Variants in NR6A1 observed in about 807,000 individuals in gnomAD.
NR6A1 encodes nuclear receptor subfamily 6 group A member 1.
NR6A1 carries 7 observed loss-of-function variants against 59.1 expected under a neutral mutation model. That is an observed-to-expected ratio of 0.12 (90% confidence interval 0.07 to 0.22). The LOEUF (loss-of-function observed/expected upper bound fraction) is 0.22. NR6A1 is among the 10% of genes least tolerant of loss of function. The pLI is 1.00. For missense variants in NR6A1, 468 were observed against 611.6 expected (o/e 0.77, Z 2.48); for synonymous variants, 243 against 236.1 (o/e 1.03, Z -0.27).
chr9:124,727,541 A>G (rs1172148885), intron 2 of NR6A1, among the ~76,000 whole-genome samples: 2 of 152,246 alleles, frequency 1.3e-5, no homozygotes, highest in South Asian at 2.1e-4. Flanking sequence ...AAGTATAACC[A>G]AATTAGCCAG....
intron 5 of NR6A1, among the ~76,000 whole-genome samples, chr9:124,539,038 T>C (rs1833367008): frequency 6.6e-6 from 1 of 151,940 alleles, no homozygotes; most frequent in East Asian, 1.9e-4. Flanking sequence ...CAAGACTCCA[T>C]CTCTTTTTTT....
At chr9:124,718,803 CTTTTT>C (rs11316308) in intron 2 of NR6A1, among the ~76,000 whole-genome samples, 8 of 64,570 alleles carry the variant, frequency 1.2e-4, no homozygotes, top group African/African-American at 4.6e-4. Context: ...AAATTGTTAC[CTTTTT>C]TTTTTTTTTT....
intron 1 of NR6A1, among the ~76,000 whole-genome samples, chr9:124,733,734 T>C (rs1156766649): frequency 6.6e-6 from 1 of 152,212 alleles, no homozygotes; most frequent in Non-Finnish European, 1.5e-5. Flanking sequence ...ATATTCTATT[T>C]AACACTGCTA....
intron 2 of NR6A1, among the ~76,000 whole-genome samples, chr9:124,663,224 C>T (rs1325130378): frequency 2.0e-5 from 3 of 152,182 alleles, no homozygotes; most frequent in Non-Finnish European, 2.9e-5. Flanking sequence ...CCACAAGCTT[C>T]TGTGGTTTTA....
intron 4 of NR6A1, 98 bp downstream of exon 4, chr9:124,543,704 C>T: frequency 2.3e-6 from 2 of 872,660 alleles, no homozygotes; most frequent in Non-Finnish European, 1.7e-6. Context: ...GATGGCTCTC[C>T]TCAGCAGCAG....
rs970641214 is a variant in NR6A1, at chr9:124,626,339, T to C, written c.143-71769A>G. Reference sequence around the variant, plus strand: ...CAGATTTTGGATTTGCCAGTCTTCATAATCACGTGAGCCAATTCCTTAAAA... The same window carrying C: ...CAGATTTTGGATTTGCCAGTCTTCACAATCACGTGAGCCAATTCCTTAAAA... On this transcript the variant is annotated intron_variant, in intron 2 of 9. Transcript: ENST00000487099. 9.2e-4 allele frequency among the ~76,000 whole-genome samples: 140 copies of C among 152,204 alleles called. 11 individuals carry two copies. The highest frequency in any genetic ancestry group is 1.9e-4 in the East Asian group (1 of 5,192).
intron 2 of NR6A1, among the ~76,000 whole-genome samples, chr9:124,692,005 A>T (rs1838562702): frequency 6.6e-6 from 1 of 152,230 alleles, no homozygotes; most frequent in Non-Finnish European, 1.5e-5. Context: ...GAAGTCCAGT[A>T]TTCAAATTCT....
chr9:124,540,000 A>AAGG (rs747697397), intron 5 of NR6A1, 33 bp downstream of exon 5: 2 of 1,558,698 alleles, frequency 1.3e-6, no homozygotes, highest in South Asian at 1.2e-5. Flanking sequence ...GGGGATCCCT[A>AAGG]GATGATGACC....
chr9:124,709,498 G>C (rs1368790798), intron 2 of NR6A1, among the ~76,000 whole-genome samples: 2 of 152,114 alleles, frequency 1.3e-5, no homozygotes, highest in Non-Finnish European at 2.9e-5. Flanking sequence ...AGGAGTATCA[G>C]TCTAAAGAAG....
At chr9:124,675,984 T>C (rs756291702) in intron 2 of NR6A1, among the ~76,000 whole-genome samples, 1 of 152,198 alleles carries the variant, frequency 6.6e-6, no homozygotes, top group African/African-American at 2.4e-5. Flanking sequence ...GGATGGAATG[T>C]AGCACATGGA....
chr9:124,551,499 A>G (rs1345808885), intron 3 of NR6A1, among the ~76,000 whole-genome samples: 1 of 152,194 alleles, frequency 6.6e-6, no homozygotes, highest in Non-Finnish European at 1.5e-5. Context: ...AGTAGTGAAA[A>G]AATTCCTAAC....
intron 2 of NR6A1, among the ~76,000 whole-genome samples, chr9:124,565,286 G>A (rs1322607510): frequency 6.6e-6 from 1 of 152,046 alleles, no homozygotes; most frequent in Admixed American, 6.6e-5. Context: ...AATTAGCTGG[G>A]CATGGTGGCA....
In NR6A1 at chr9:124,771,079, C is replaced by A; in HGVS notation, c.41G>T (p.Gly14Val). The A allele has an allele frequency of 1.6e-6, 2 of 1,230,396 alleles. No homozygotes were observed. Among genetic ancestry groups the A allele is most frequent in the Non-Finnish European group, 2.0e-6 (2 of 987,002 alleles). 76.2% of individuals were successfully genotyped at this position (1,230,396 alleles called of 1,614,324 possible). ...CTCCAGGAACCCCGCCGAGCCCCCG[C>A]CGCCTCCCCCTCCGCTAGGCGGCGG... ...DEPPPSGGGG[G>V]GGSAGFLEPP... is the part of the protein sequence containing the mutation. Residue 14 changes from glycine to valine, a missense_variant, in exon 1 of 10, where the codon GGC (glycine) becomes GTC (valine). Gly to Val is a moderately radical substitution (Grantham distance 109). Coordinates refer to ENST00000487099, the MANE Select transcript of NR6A1 (RefSeq NM_033334.4).
chr9:124,617,205 G>A (rs945631948), intron 2 of NR6A1, among the ~76,000 whole-genome samples: 3 of 152,064 alleles, frequency 2.0e-5, no homozygotes, highest in South Asian at 2.1e-4. Flanking sequence ...CCTCCCTCCC[G>A]TTGTTTATTA....
chr9:124,742,446 A>T (rs1402542998), intron 1 of NR6A1, among the ~76,000 whole-genome samples: 1 of 152,158 alleles, frequency 6.6e-6, no homozygotes, highest in Non-Finnish European at 1.5e-5. Flanking sequence ...CTGTAATCCC[A>T]GCTACTCGAG....
intron 4 of NR6A1, among the ~76,000 whole-genome samples, chr9:124,540,597 C>T (rs1833413985): frequency 6.6e-6 from 1 of 152,124 alleles, no homozygotes; most frequent in Non-Finnish European, 1.5e-5. Context: ...TCCAGGAGTT[C>T]AAGACCAGCC....
intron 2 of NR6A1, among the ~76,000 whole-genome samples, chr9:124,706,396 G>T (rs1159075892): frequency 6.6e-6 from 1 of 152,026 alleles, no homozygotes; most frequent in Non-Finnish European, 1.5e-5. Context: ...CTCCCTTTCA[G>T]CTTGAAGAAT....
chr9:124,584,495 A>C (rs1834866930), intron 2 of NR6A1, among the ~76,000 whole-genome samples: 1 of 152,018 alleles, frequency 6.6e-6, no homozygotes, highest in African/African-American at 2.4e-5. Context: ...GCATGTGCTC[A>C]CTTTGTGTCT....
chr9:124,624,384 C>G (rs985475799), intron 2 of NR6A1, among the ~76,000 whole-genome samples: 5 of 152,220 alleles, frequency 3.3e-5, no homozygotes. Context: ...TGAACTTCTT[C>G]AGGTCAATTT....
Sources: allele counts gnomAD v4.1 joint callset (sites outside exome capture counted in the v4.1 genomes callset), GRCh38; gene constraint gnomAD v4.1.1; transcripts MANE v1.5; gene names NCBI Gene and HGNC (gene_info 2026-07-23, HGNC 2026-07-21).